The following CLIP1 variants were observed in gnomAD, a reference collection of about 807,000 sequenced individuals.
The protein encoded by CLIP1 is CAP-Gly domain containing linker protein 1.
CLIP1 carries 66 observed loss-of-function variants against 161.6 expected under a neutral mutation model. The ratio of observed to expected loss-of-function variants is 0.41; its 90% CI spans 0.33 to 0.50. The LOEUF is 0.50. CLIP1 is among the 20% of genes least tolerant of loss of function. The pLI, the probability that CLIP1 is intolerant of heterozygous loss-of-function variation, is 0.27. For synonymous variants in CLIP1, 598 were observed against 626.2 expected (o/e 0.96, Z 0.67); for missense variants, 1,376 against 1,702.0 (o/e 0.81, Z 3.37).
At chr12:122,306,576 C>A (rs1396838833) in intron 20 of CLIP1, among the ~76,000 whole-genome samples, 3 of 152,162 alleles carry the variant, frequency 2.0e-5, no homozygotes, top group Non-Finnish European at 2.9e-5. Flanking sequence ...CACTGCAGAG[C>A]CCGCACCTGA....
At chr12:122,328,615 C>T (rs1445799194) in intron 15 of CLIP1, among the ~76,000 whole-genome samples, 189 bp from the exon 16 acceptor site, 7 of 151,912 alleles carry the variant, frequency 4.6e-5, no homozygotes, top group Non-Finnish European at 1.5e-5. Context: ...GGCGGAGTCT[C>T]GCTCTGTCGC....
chr12:122,341,762 C>CTTTTCTTT (rs1952514067), intron 10 of CLIP1, 65 bp from the exon 11 acceptor site: 1 of 96,018 alleles, frequency 1.0e-5, no homozygotes, highest in African/African-American at 4.9e-5. Context: ...ATTTTCTTTT[C>CTTTTCTTT]TTTTTTTTTT....
chr12:122,407,748 C>CAAAAAAAA lies in CLIP1; in HGVS notation c.-107+14765_-107+14772dup, dbSNP rs35500806. Among the ~76,000 whole-genome samples the CAAAAAAAA allele has an allele frequency of 7.7e-3, 295 of 38,326 alleles. 48 individuals carry two copies. The highest frequency in any genetic ancestry group is 0.039 in the African/African-American group (281 of 7,164). The allele number at this position is 38,326 out of a possible 152,430, so 25.1% of individuals were successfully genotyped here. ...GAGGGTTTTTGGTGAGACCCTGTCT[C>CAAAAAAAA]AAAAAAAAAAAAAAAAAAAAAAAAA... On this transcript the variant is annotated intron_variant, in intron 1 of 25. Transcript: ENST00000620786.
chr12:122,320,955 G>A (rs1311763018), intron 17 of CLIP1, among the ~76,000 whole-genome samples: 1 of 151,450 alleles, frequency 6.6e-6, no homozygotes, highest in African/African-American at 2.4e-5. Flanking sequence ...TGATCCGCCT[G>A]CAACAGCCTC....
At chr12:122,330,313 C>G (rs1337076847) in intron 15 of CLIP1, among the ~76,000 whole-genome samples, 1 of 152,062 alleles carries the variant, frequency 6.6e-6, no homozygotes, top group Admixed American at 6.6e-5. Flanking sequence ...CAAGTTTGAC[C>G]AAAGTTGCCC....
At chr12:122,356,643 C>T (rs968871982) in intron 5 of CLIP1, among the ~76,000 whole-genome samples, 1 of 151,928 alleles carries the variant, frequency 6.6e-6, no homozygotes, top group East Asian at 1.9e-4. Context: ...CCTCTCCCCA[C>T]GGTCTCCCTC....
chr12:122,346,249 C>T (rs538469066), intron 10 of CLIP1, among the ~76,000 whole-genome samples: 1 of 152,306 alleles, frequency 6.6e-6, no homozygotes, highest in South Asian at 2.1e-4. Flanking sequence ...TTCTCTGCGC[C>T]TCAGTGTTCT....
chr12:122,294,831 G>A (rs2065905170), intron 20 of CLIP1, among the ~76,000 whole-genome samples: 1 of 152,038 alleles, frequency 6.6e-6, no homozygotes, highest in African/African-American at 2.4e-5. Flanking sequence ...GGCAGATCAT[G>A]AGGTCAGGAG....
chr12:122,272,637 A>T lies in CLIP1; in HGVS notation c.*238T>A. 2.0e-6 allele frequency: 1 copy of T among 498,990 alleles called. No individual in the cohort carries two copies. Among genetic ancestry groups the T allele is most frequent in the Non-Finnish European group, 3.6e-6 (1 of 276,444 alleles). 30.9% of individuals were successfully genotyped at this position (498,990 alleles called of 1,614,324 possible). On this transcript the variant is annotated 3_prime_UTR_variant, in exon 26 of 26. Coordinates refer to ENST00000620786, the MANE Select transcript of CLIP1 (RefSeq NM_001247997.2). ...ATGGCATCTGGTGCAATGTCTTCAA[A>T]CGTAAAAATCAAGAAAACAAAATTC...
In CLIP1 at chr12:122,274,181, A is replaced by AT; in HGVS notation, c.3967-20_3967-19insA. 1 of 1,565,074 alleles carries AT rather than the reference A, an allele frequency of 6.4e-7. No individual in the cohort carries two copies. Among genetic ancestry groups the AT allele is most frequent in the Non-Finnish European group, 8.8e-7 (1 of 1,136,888 alleles). On this transcript the variant is annotated intron_variant, in intron 24 of 25. Transcript: ENST00000620786. ...AATCAATCTGATTTGTTAAAAAAAA[A>AT]ATGTGTAAAATGTCAAGAATATATA...
intron 11 of CLIP1, among the ~76,000 whole-genome samples, 158 bp from the exon 12 acceptor site, chr12:122,336,906 C>G (rs1952252184): frequency 6.6e-6 from 1 of 150,434 alleles, no homozygotes; most frequent in Non-Finnish European, 1.5e-5. Context: ...TCTAAGAAGT[C>G]AATGACTTTT....
chr12:122,398,179 G>C (rs952214397), intron 1 of CLIP1, among the ~76,000 whole-genome samples: 3 of 150,872 alleles, frequency 2.0e-5, no homozygotes, highest in Non-Finnish European at 2.9e-5. Context: ...ACTTCGGAAG[G>C]CCAAGGCAGC....
intron 3 of CLIP1, chr12:122,364,643 G>T: frequency 2.4e-6 from 1 of 410,926 alleles, no homozygotes; most frequent in South Asian, 1.9e-5. Flanking sequence ...GGGCTCAAGT[G>T]ATCTGCCCAC....
Position 122,311,910 on chromosome 12 carries a change from A to C in CLIP1, c.3474-2028T>G, listed in dbSNP as rs1400892140. Among the ~76,000 whole-genome samples the C allele has an allele frequency of 1.3e-5, 2 of 152,258 alleles. No homozygotes were observed. The highest frequency in any genetic ancestry group is 2.9e-5 in the Non-Finnish European group (2 of 68,052). On this transcript the variant is annotated intron_variant, in intron 19 of 25. Coordinates refer to ENST00000620786, the MANE Select transcript of CLIP1 (RefSeq NM_001247997.2). This position sits in a 1 kb window ranked among gnomAD's most constrained non-coding sequence, Gnocchi z 4.3. ...CACAAGAACAGGAGCTACAGCTGGC[A>C]GATGACTTCAGTCGTGGTTCAGATA... is the stretch of plus-strand genomic sequence containing the variant.
At chr12:122,401,153 C>T (rs1039513554) in intron 1 of CLIP1, among the ~76,000 whole-genome samples, 6 of 152,094 alleles carry the variant, frequency 3.9e-5, no homozygotes, top group Non-Finnish European at 7.4e-5. Flanking sequence ...TCAGGTGATC[C>T]GCCCGTCTTG....
chr12:122,324,648 T>C (rs1307995113), intron 17 of CLIP1, among the ~76,000 whole-genome samples: 1 of 152,230 alleles, frequency 6.6e-6, no homozygotes, highest in Non-Finnish European at 1.5e-5. Flanking sequence ...AGTAGCTACC[T>C]AGAAGATAAA....
chr12:122,404,497 T>C (rs1956250298), intron 1 of CLIP1, among the ~76,000 whole-genome samples: 1 of 151,712 alleles, frequency 6.6e-6, no homozygotes, highest in South Asian at 2.1e-4. Flanking sequence ...TATTCAGGAG[T>C]CTGAGGCAGG....
intron 1 of CLIP1, chr12:122,396,542 T>C (rs926628529): frequency 2.0e-5 from 3 of 152,170 alleles, no homozygotes; most frequent in Non-Finnish European, 4.4e-5. Flanking sequence ...CTTGGGTCTA[T>C]AGAAATTTTA....
At chr12:122,287,264 C>T (rs12827089) in intron 21 of CLIP1, among the ~76,000 whole-genome samples, 6 of 152,140 alleles carry the variant, frequency 3.9e-5, no homozygotes, top group African/African-American at 1.4e-4. Context: ...ATCCAAATAG[C>T]TAAATCTAAA....
Sources: allele counts gnomAD v4.1 joint callset (sites outside exome capture counted in the v4.1 genomes callset), GRCh38; gene constraint gnomAD v4.1.1; non-coding constraint Gnocchi (gnomAD v3.1); transcripts MANE v1.5; gene names NCBI Gene and HGNC (gene_info 2026-07-23, HGNC 2026-07-21).